The following RGL1 variants were observed in gnomAD, a reference collection of about 807,000 sequenced individuals.
RGL1 encodes the protein ral guanine nucleotide dissociation stimulator like 1, also known as ral guanine nucleotide dissociation stimulator-like 1.
Under a neutral mutation model 95.2 loss-of-function variants are expected in RGL1, and 24 were observed. The observed-to-expected ratio is 0.25, with a 90% CI of 0.18 to 0.35. RGL1 has a LOEUF of 0.35. Among genes scored for constraint, RGL1 ranks in the 10% least tolerant of loss-of-function variants. The pLI, the probability that RGL1 is intolerant of heterozygous loss-of-function variation, is 1.00. For missense variants in RGL1, 715 were observed against 936.3 expected (o/e 0.76, Z 3.08); for synonymous variants, 329 against 344.9 (o/e 0.95, Z 0.51).
chr1:183,702,869 C>G (rs541701162), intron 1 of RGL1, among the ~76,000 whole-genome samples: 1 of 152,316 alleles, frequency 6.6e-6, no homozygotes, highest in Admixed American at 6.5e-5. Flanking sequence ...TGCCTGGGTG[C>G]AGACGGGCTG....
chr1:183,812,154 T>G (rs1290456785), intron 2 of RGL1, among the ~76,000 whole-genome samples: 2 of 152,248 alleles, frequency 1.3e-5, no homozygotes, highest in Admixed American at 6.5e-5. Context: ...CACTACATAG[T>G]AAAACATTCT....
chr1:183,902,609 A>T lies in RGL1; in HGVS notation c.1350+9A>T. 6.2e-7 allele frequency: 1 copy of T among 1,609,126 alleles called. No homozygotes were observed. On this transcript the variant is annotated intron_variant, in intron 12 of 17. Coordinates refer to ENST00000360851, the MANE Select transcript of RGL1 (RefSeq NM_001297671.3). Reference sequence around the variant, plus strand: ...TTGAGAAAAGGAGAAGGGTAAGTAGAGTTGTTGGCTGTGTTTCCTTTGTCT... The same window carrying T: ...TTGAGAAAAGGAGAAGGGTAAGTAGTGTTGTTGGCTGTGTTTCCTTTGTCT...
At chr1:183,707,581 G>A (rs924939462) in intron 1 of RGL1, among the ~76,000 whole-genome samples, 1 of 151,906 alleles carries the variant, frequency 6.6e-6, no homozygotes, top group African/African-American at 2.4e-5. Context: ...TGGGGAAAGG[G>A]GGGTTGAGTT....
chr1:183,837,862 C>G (rs1370412405), intron 2 of RGL1, among the ~76,000 whole-genome samples: 1 of 152,124 alleles, frequency 6.6e-6, no homozygotes, highest in Non-Finnish European at 1.5e-5. Flanking sequence ...AAGTGTACAA[C>G]CTAGGTCCCT....
chr1:183,752,660 A>ATCGTTTTC (rs1658082958), intron 2 of RGL1, among the ~76,000 whole-genome samples: 1 of 70,714 alleles, frequency 1.4e-5, no homozygotes, highest in African/African-American at 6.1e-5. Flanking sequence ...ACAGTAACAC[A>ATCGTTTTC]TCTCTTTCTC....
chr1:183,752,568 C>T (rs1001650564), intron 2 of RGL1, among the ~76,000 whole-genome samples: 5 of 151,998 alleles, frequency 3.3e-5, no homozygotes, highest in Admixed American at 2.6e-4. Flanking sequence ...AAAATAGAAT[C>T]TCATTCTTTG....
At chr1:183,833,414 A>T (rs1663398784) in intron 2 of RGL1, among the ~76,000 whole-genome samples, 1 of 152,192 alleles carries the variant, frequency 6.6e-6, no homozygotes, top group Non-Finnish European at 1.5e-5. Context: ...ATCACCTAGG[A>T]TGCTGGTTAA....
chr1:183,757,021 GTTT>G (rs11344065), intron 2 of RGL1, among the ~76,000 whole-genome samples: 1 of 77,220 alleles, frequency 1.3e-5, no homozygotes, highest in African/African-American at 3.3e-5. Flanking sequence ...TGGTTTGTTT[GTTT>G]TTTTTTTTTT....
At chr1:183,740,371 G>T (rs1451202776) in intron 1 of RGL1, among the ~76,000 whole-genome samples, 2 of 152,130 alleles carry the variant, frequency 1.3e-5, no homozygotes, top group African/African-American at 4.8e-5. Flanking sequence ...CTTCATCACT[G>T]CTCTCTGCAA....
intron 1 of RGL1, among the ~76,000 whole-genome samples, chr1:183,686,072 A>C (rs1653559682): frequency 6.6e-6 from 1 of 152,236 alleles, no homozygotes; most frequent in Non-Finnish European, 1.5e-5. Flanking sequence ...TCCAAGTCTC[A>C]CACTGGATCA....
At chr1:183,682,930 C>T (rs1217813457) in intron 1 of RGL1, among the ~76,000 whole-genome samples, 1 of 151,468 alleles carries the variant, frequency 6.6e-6, no homozygotes, top group Non-Finnish European at 1.5e-5. Flanking sequence ...TAATGCCCTT[C>T]TTTGTCTTTG....
At chr1:183,846,906 T>G (rs925832170) in intron 2 of RGL1, among the ~76,000 whole-genome samples, 1 of 151,958 alleles carries the variant, frequency 6.6e-6, no homozygotes, top group East Asian at 1.9e-4. Flanking sequence ...TTGAAAACTT[T>G]CCATGGAACA....
At chr1:183,665,199 T>C (rs1651946465) in intron 1 of RGL1, among the ~76,000 whole-genome samples, 1 of 152,224 alleles carries the variant, frequency 6.6e-6, no homozygotes, top group African/African-American at 2.4e-5. Context: ...CATTAACTGA[T>C]TTTCAAATGT....
At chr1:183,886,802 A>G (rs1376159971) in intron 7 of RGL1, among the ~76,000 whole-genome samples, 1 of 152,142 alleles carries the variant, frequency 6.6e-6, no homozygotes, top group Non-Finnish European at 1.5e-5. Context: ...TTTCTATTGA[A>G]AGGATATTTG....
intron 16 of RGL1, among the ~76,000 whole-genome samples, chr1:183,921,792 A>G (rs1447163701): frequency 1.3e-5 from 2 of 152,206 alleles, no homozygotes; most frequent in African/African-American, 2.4e-5. Context: ...GAAATGGTCA[A>G]TGGGCAGAAC....
chr1:183,798,281 C>A (rs1334305303), intron 2 of RGL1, among the ~76,000 whole-genome samples: 1 of 152,098 alleles, frequency 6.6e-6, no homozygotes, highest in Admixed American at 6.6e-5. Context: ...GATGACAAAG[C>A]CAAGGCCTTC....
rs374972095 is a variant in RGL1, at chr1:183,678,670, T to G, written c.-33+42169T>G. Among the ~76,000 whole-genome samples the G allele has an allele frequency of 2.0e-5, 3 of 151,990 alleles. No homozygotes were observed. In the East Asian group the frequency reaches 5.8e-4, roughly 29 times the overall value. On this transcript the variant is annotated intron_variant, in intron 1 of 18. Coordinates refer to the RGL1 transcript ENST00000304685. ...AGGCTGGAGTGCAGTGGTGTGATTA[T>G]GGCTCACTTAAGTGCAAGATTCTTC...
intron 1 of RGL1, among the ~76,000 whole-genome samples, chr1:183,736,813 A>G (rs1312684690): frequency 6.6e-6 from 1 of 152,212 alleles, no homozygotes; most frequent in African/African-American, 2.4e-5. Flanking sequence ...GCAAAAGGAA[A>G]ATAAGCAGAA....
intron 1 of RGL1, among the ~76,000 whole-genome samples, chr1:183,700,326 T>C (rs1194022117): frequency 1.3e-5 from 2 of 152,182 alleles, no homozygotes; most frequent in Non-Finnish European, 2.9e-5. Context: ...ATTTCAACTT[T>C]GTAGTATTAT....
Sources: gnomAD v4.1 joint callset for allele counts (sites outside exome capture counted in the v4.1 genomes callset) on GRCh38, gnomAD v4.1.1 for gene constraint, MANE v1.5 for transcripts, NCBI Gene and HGNC (gene_info 2026-07-23, HGNC 2026-07-21) for gene names.